The following DISC1 variants were observed in gnomAD, a reference collection of about 807,000 sequenced individuals.
DISC1 encodes disrupted in schizophrenia 1 protein.
In DISC1, 57 loss-of-function variants were observed where a neutral mutation model predicts 84.5. That is an observed-to-expected ratio of 0.67 (90% CI 0.55 to 0.84). The LOEUF (loss-of-function observed/expected upper bound fraction) is 0.84, where lower values mean the gene tolerates loss of function less well. DISC1 is among the 40% of genes least tolerant of loss of function. DISC1 has a pLI of 0.00. For missense variants in DISC1, 1,000 were observed against 1,057.8 expected, an observed-to-expected ratio of 0.95 and a Z score of 0.76; for synonymous variants, 411 against 415.2, an observed-to-expected ratio of 0.99 and a Z score of 0.12.
chr1:231,808,201 T>C (rs2079912003), intron 8 of DISC1, among the ~76,000 whole-genome samples: 2 of 152,204 alleles, frequency 1.3e-5, no homozygotes, highest in South Asian at 4.1e-4. Context: ...GGATTTTTCC[T>C]GAATATAGGA....
intron 4 of DISC1, 37 bp from the exon 5 acceptor site, chr1:231,767,103 C>T: frequency 6.2e-7 from 1 of 1,609,286 alleles, no homozygotes; most frequent in East Asian, 2.2e-5. Context: ...ATTTCAGCTT[C>T]TGCATACCTG....
intron 1 of DISC1, among the ~76,000 whole-genome samples, chr1:231,676,225 T>C (rs1337869199): frequency 1.3e-5 from 2 of 152,264 alleles, no homozygotes; most frequent in African/African-American, 4.8e-5. Flanking sequence ...CAGTGGTATA[T>C]TAGTCTCAAC....
At chr1:231,987,385 C>G (rs1350190456) in intron 10 of DISC1, among the ~76,000 whole-genome samples, 1 of 152,218 alleles carries the variant, frequency 6.6e-6, no homozygotes, top group African/African-American at 2.4e-5. Flanking sequence ...TTAAGATGCA[C>G]TTTGTATTGA....
At chr1:231,813,569 T>C (rs977323339) in intron 8 of DISC1, among the ~76,000 whole-genome samples, 3 of 152,194 alleles carry the variant, frequency 2.0e-5, no homozygotes, top group Non-Finnish European at 4.4e-5. Context: ...AAAAGTTTTA[T>C]TTGAGGTTAC....
At chr1:231,704,042 ACAG>A (rs2066728581) in intron 3 of DISC1, among the ~76,000 whole-genome samples, 1 of 152,226 alleles carries the variant, frequency 6.6e-6, no homozygotes, top group Non-Finnish European at 1.5e-5. Flanking sequence ...CCTGGTAGGC[ACAG>A]GACACACGAT....
At chr1:231,681,107 G>T (rs2063647675) in intron 1 of DISC1, among the ~76,000 whole-genome samples, 1 of 152,190 alleles carries the variant, frequency 6.6e-6, no homozygotes, top group Non-Finnish European at 1.5e-5. Context: ...CTTGAGGGGG[G>T]CTCAGATGGT....
chr1:231,803,964 A>C (rs2079504261), intron 8 of DISC1, among the ~76,000 whole-genome samples: 1 of 150,784 alleles, frequency 6.6e-6, no homozygotes, highest in Non-Finnish European at 1.5e-5. Flanking sequence ...AAAAAAAAAA[A>C]AAAAAAAAAA....
chr1:231,795,331 C>G lies in DISC1; in HGVS notation c.1689+35C>G, dbSNP rs376332605. ...TTTATATTCCCATTTTCCAAAGAAG[C>G]CTATGAAGTTTTCGTTTGACTTGAT... On this transcript the variant is annotated intron_variant, in intron 7 of 12. Coordinates refer to ENST00000439617, the MANE Select transcript of DISC1 (RefSeq NM_018662.3). 10 of 1,587,704 alleles carry G rather than the reference C, an allele frequency of 6.3e-6. No homozygotes were observed. In the African/African-American group the frequency reaches 6.7e-5, roughly 11 times the overall value.
chr1:231,966,102 T>C (rs1182478137), intron 10 of DISC1, among the ~76,000 whole-genome samples: 1 of 152,216 alleles, frequency 6.6e-6, no homozygotes, highest in Non-Finnish European at 1.5e-5. Flanking sequence ...AAATCGCAAT[T>C]TTATCTTGTT....
chr1:231,653,405 C>G (rs1471382358), intron 1 of DISC1, among the ~76,000 whole-genome samples: 1 of 152,140 alleles, frequency 6.6e-6, no homozygotes, highest in Non-Finnish European at 1.5e-5. Flanking sequence ...TGCCCTGGCC[C>G]TTGCTGCTTA....
chr1:231,812,471 A>G (rs914426240), intron 8 of DISC1, among the ~76,000 whole-genome samples: 2 of 152,214 alleles, frequency 1.3e-5, no homozygotes, highest in African/African-American at 4.8e-5. Context: ...TGTTTTGGCT[A>G]TCTCAGGAAG....
At chr1:231,717,137 G>T (rs1310551036) in intron 3 of DISC1, among the ~76,000 whole-genome samples, 2 of 152,164 alleles carry the variant, frequency 1.3e-5, no homozygotes, top group Non-Finnish European at 2.9e-5. Context: ...TGGTGTGAAT[G>T]CATCAGCTGC....
rs188889417 is a variant in DISC1 at position 231,661,192 on chromosome 1, G to A, written c.68-32634G>A. Among the ~76,000 whole-genome samples the A allele has an allele frequency of 2.8e-3, 423 of 149,736 alleles. 7 individuals carry two copies. Among genetic ancestry groups the A allele is most frequent in the East Asian group, 9.6e-3 (49 of 5,112 alleles). On this transcript the variant is annotated intron_variant, in intron 1 of 12. Coordinates refer to ENST00000439617, the MANE Select transcript of DISC1 (RefSeq NM_018662.3). ...CCCTTCACTTTTTTTTTTTCATTTC[G>A]ACCTGGAGAATCTGATGATTATGTG...
At chr1:231,853,172 G>A (rs2084017573) in intron 9 of DISC1, among the ~76,000 whole-genome samples, 1 of 152,130 alleles carries the variant, frequency 6.6e-6, no homozygotes, top group South Asian at 2.1e-4. Context: ...GAGGTATTTA[G>A]ACCTTAATAA....
chr1:231,739,545 T>TA (rs1396876267), intron 3 of DISC1, among the ~76,000 whole-genome samples: 1 of 152,178 alleles, frequency 6.6e-6, no homozygotes, highest in Admixed American at 6.5e-5. Flanking sequence ...GCTCCCAACT[T>TA]ACCAATGGGG....
Position 231,779,564 on chromosome 1 carries a change from T to TG in DISC1, c.1634+8494_1634+8495insG, listed in dbSNP as rs1382393427. On this transcript the variant is annotated intron_variant, in intron 6 of 12. Coordinates refer to ENST00000439617, the MANE Select transcript of DISC1 (RefSeq NM_018662.3). ...ACCTATTCTTGTTTTTTTTTTTTTT[T>TG]TTTTTTTTTTTTTTAAGATGGAGTC... Among the ~76,000 whole-genome samples the TG allele has an allele frequency of 1.1e-3, 153 of 142,150 alleles. 1 individual carries two copies. The highest frequency in any genetic ancestry group is 3.8e-3 in the African/African-American group (141 of 37,364). 93.3% of individuals were successfully genotyped at this position (142,150 alleles called of 152,430 possible).
chr1:231,863,011 T>C (rs1384605661), intron 9 of DISC1, among the ~76,000 whole-genome samples: 1 of 152,142 alleles, frequency 6.6e-6, no homozygotes. Context: ...AAAGGACTTA[T>C]ATGGCTTTTG....
chr1:231,689,932 G>T (rs753799545), intron 1 of DISC1, among the ~76,000 whole-genome samples: 1 of 152,216 alleles, frequency 6.6e-6, no homozygotes, highest in Non-Finnish European at 1.5e-5. Context: ...ATCAGGAGAA[G>T]GGAGCTGATG....
intron 10 of DISC1, among the ~76,000 whole-genome samples, chr1:231,974,721 G>A (rs1003119320): frequency 1.3e-5 from 2 of 152,106 alleles, no homozygotes; most frequent in African/African-American, 2.4e-5. Context: ...TTTAAGTCTA[G>A]CTTAGTATTA....
Sources: gnomAD v4.1 joint callset for allele counts (sites outside exome capture counted in the v4.1 genomes callset) on GRCh38, gnomAD v4.1.1 for gene constraint, MANE v1.5 for transcripts, NCBI Gene and HGNC (gene_info 2026-07-23, HGNC 2026-07-21) for gene names.